Variants in KLHL13 observed in about 807,000 individuals in gnomAD.
The protein encoded by KLHL13 is kelch-like protein 13.
A neutral mutation model predicts 37.1 loss-of-function variants in KLHL13; 10 were observed. The observed-to-expected ratio is 0.27, with a 90% CI of 0.17 to 0.46. KLHL13 has a LOEUF of 0.46. Among genes scored for constraint, KLHL13 ranks in the 20% least tolerant of loss-of-function variants. The pLI is 1.00. For synonymous variants in KLHL13, 163 were observed against 181.2 expected, an observed-to-expected ratio of 0.90 and a Z score of 0.81; for missense variants, 360 against 509.3, an observed-to-expected ratio of 0.71 and a Z score of 2.82.
At chrX:118,060,448 C>T (rs1279081488) in intron 1 of KLHL13, among the ~76,000 whole-genome samples, 1 of 111,242 alleles carries the variant, frequency 9.0e-6, no homozygotes, top group African/African-American at 3.3e-5. Context: ...AACAAGTATG[C>T]CATTACATCA....
At chrX:117,948,793 G>A (rs985937767) in intron 1 of KLHL13, among the ~76,000 whole-genome samples, 4 of 111,927 alleles carry the variant, frequency 3.6e-5, no homozygotes, top group South Asian at 3.7e-4. Flanking sequence ...CAAAGTGTAC[G>A]TGAATCACTC....
At chrX:118,105,907 T>A in intron 1 of KLHL13, among the ~76,000 whole-genome samples, 1 of 86,701 alleles carries the variant, frequency 1.2e-5, no homozygotes, top group South Asian at 6.4e-4. Context: ...TTTTTTTTTT[T>A]TTTTTTTTTT....
chrX:117,931,738 T>C (rs1309102974), intron 2 of KLHL13, among the ~76,000 whole-genome samples: 1 of 111,950 alleles, frequency 8.9e-6, no homozygotes, highest in Non-Finnish European at 1.9e-5. Context: ...TACACCATCA[T>C]CAAATCTGTC....
intron 2 of KLHL13, among the ~76,000 whole-genome samples, chrX:117,941,395 A>C (rs1933024629): frequency 1.8e-5 from 2 of 112,014 alleles, no homozygotes; most frequent in African/African-American, 6.5e-5. Context: ...TGTTTGGAAT[A>C]GTTTCAGAAA....
At chrX:118,115,703 A>G (rs776185106) in intron 1 of KLHL13, among the ~76,000 whole-genome samples, 12 of 112,569 alleles carry the variant, frequency 1.1e-4, no homozygotes, top group African/African-American at 3.2e-4. Flanking sequence ...CCTCTCTCTC[A>G]GGCCTGCTCA....
upstream of KLHL13, among the ~76,000 whole-genome samples, chrX:117,978,575 G>A (rs925433550): frequency 1.8e-5 from 2 of 110,833 alleles, no homozygotes; most frequent in African/African-American, 6.6e-5. Context: ...AGGTTATGGG[G>A]CTAAGATAGG....
At chrX:117,951,709 C>T (rs982505084) in intron 1 of KLHL13, among the ~76,000 whole-genome samples, 10 of 112,071 alleles carry the variant, frequency 8.9e-5, no homozygotes, top group Non-Finnish European at 1.3e-4. Context: ...TAAAATAGAA[C>T]AGTATTAATA....
At chrX:117,946,570 G>C (rs1183180641) in intron 1 of KLHL13, 1 of 112,079 alleles carries the variant, frequency 8.9e-6, no homozygotes, top group Non-Finnish European at 1.9e-5. Context: ...ACCTGCCTAA[G>C]AGTGGGGAGC....
At chrX:117,934,550 G>C (rs1156980554) in intron 2 of KLHL13, among the ~76,000 whole-genome samples, 2 of 110,795 alleles carry the variant, frequency 1.8e-5, no homozygotes, top group Non-Finnish European at 3.8e-5. Flanking sequence ...TTGGAGAATG[G>C]CAAAGCAATT....
At chrX:118,076,687 C>T (rs1163368008) in intron 1 of KLHL13, among the ~76,000 whole-genome samples, 2 of 111,242 alleles carry the variant, frequency 1.8e-5, no homozygotes, top group Non-Finnish European at 3.8e-5. Flanking sequence ...TGAGTCTCAT[C>T]CAATCATTTG....
At chrX:117,977,986 A>G (rs1037460400), upstream of KLHL13, among the ~76,000 whole-genome samples, 2 of 112,142 alleles carry the variant, frequency 1.8e-5, no homozygotes, top group African/African-American at 6.5e-5. Context: ...GGAAACTATC[A>G]GATACATTTA....
At chrX:117,989,378 A>G (rs1356052056) in intron 1 of KLHL13, among the ~76,000 whole-genome samples, 1 of 109,753 alleles carries the variant, frequency 9.1e-6, no homozygotes, top group African/African-American at 3.3e-5. Context: ...CCTGATACCT[A>G]ATTTGGTGTT....
intron 1 of KLHL13, among the ~76,000 whole-genome samples, chrX:117,988,277 T>G (rs143539990): frequency 0.013 from 1,404 of 112,208 alleles, 14 homozygotes; most frequent in Non-Finnish European, 0.017. Context: ...TAATAGTGAT[T>G]ATGATGACAG....
chrX:118,044,721 T>C (rs1166444270), intron 1 of KLHL13, among the ~76,000 whole-genome samples: 1 of 112,217 alleles, frequency 8.9e-6, no homozygotes, highest in East Asian at 2.8e-4. Context: ...TCTCTCACCA[T>C]ATAGAAACAT....
At chrX:118,070,547 T>C (rs948933273) in intron 1 of KLHL13, among the ~76,000 whole-genome samples, 2 of 111,151 alleles carry the variant, frequency 1.8e-5, no homozygotes, top group Non-Finnish European at 3.8e-5. Context: ...TCCATACTTG[T>C]GATAAGACAT....
chrX:117,942,677 G>T (rs778307157), intron 2 of KLHL13, among the ~76,000 whole-genome samples: 6 of 110,826 alleles, frequency 5.4e-5, no homozygotes, highest in Non-Finnish European at 7.6e-5. Context: ...TTTTCCATTT[G>T]CTTGGTAAAT....
chrX:118,060,062 C>T, intron 1 of KLHL13, among the ~76,000 whole-genome samples: 1 of 111,596 alleles, frequency 9.0e-6, no homozygotes. Context: ...GGAACAGTAC[C>T]TACATTCAAA....
chrX:117,967,926 G>A (rs1253230584), intron 1 of KLHL13, among the ~76,000 whole-genome samples: 1 of 111,382 alleles, frequency 9.0e-6, no homozygotes, highest in Admixed American at 9.6e-5. Flanking sequence ...AGGGGACAGT[G>A]TGAATCCTAT....
intron 1 of KLHL13, among the ~76,000 whole-genome samples, chrX:118,002,985 CA>C (rs1244827377): frequency 5.4e-5 from 6 of 111,917 alleles, no homozygotes; most frequent in Non-Finnish European, 1.1e-4. Flanking sequence ...CACAGAAATA[CA>C]AAAGAATGTG....
Sources: allele counts gnomAD v4.1 joint callset (sites outside exome capture counted in the v4.1 genomes callset), GRCh38; gene constraint gnomAD v4.1.1; transcripts MANE v1.5; gene names NCBI Gene and HGNC (gene_info 2026-07-23, HGNC 2026-07-21).